DLGAP1: variants seen among roughly 807,000 people sequenced by gnomAD.
DLGAP1 encodes the protein disks large-associated protein 1.
Under a neutral mutation model 90.8 loss-of-function variants are expected in DLGAP1, and 11 were observed. The observed-to-expected ratio is 0.12, with a 90% CI of 0.08 to 0.20. The LOEUF is 0.20. Ranked by LOEUF, DLGAP1 falls within the 10% of genes least tolerant of loss-of-function variation. The pLI, the probability that DLGAP1 is intolerant of heterozygous loss-of-function variation, is 1.00. For synonymous variants in DLGAP1, 558 were observed against 540.7 expected, an observed-to-expected ratio of 1.03 and a Z score of -0.44; for missense variants, 1,050 against 1,333.8, an observed-to-expected ratio of 0.79 and a Z score of 3.31.
chr18:4,266,050 T>G (rs975945778), intron 1 of DLGAP1, among the ~76,000 whole-genome samples: 1 of 152,128 alleles, frequency 6.6e-6, no homozygotes, highest in Non-Finnish European at 1.5e-5. Context: ...TTTGCTCTTA[T>G]AGTGTGTTTA....
At chr18:3,923,688 T>C (rs1599165287) in intron 3 of DLGAP1, among the ~76,000 whole-genome samples, 1 of 152,366 alleles carries the variant, frequency 6.6e-6, no homozygotes, top group East Asian at 1.9e-4. Flanking sequence ...CCTTAATCTT[T>C]GGTGATACCA....
intron 5 of DLGAP1, among the ~76,000 whole-genome samples, chr18:3,777,584 C>T (rs2064995536): frequency 6.6e-6 from 1 of 152,000 alleles, no homozygotes; most frequent in Admixed American, 6.6e-5. Context: ...CAGTTCTAAG[C>T]CTTTTTATTT....
chr18:3,725,649 T>A (rs1286631336), intron 7 of DLGAP1, among the ~76,000 whole-genome samples: 2 of 152,176 alleles, frequency 1.3e-5, no homozygotes, highest in Admixed American at 6.5e-5. Context: ...ACTTGTTGAG[T>A]CTATTGGATG....
At chr18:3,610,504 T>C (rs1226822859) in intron 7 of DLGAP1, among the ~76,000 whole-genome samples, 1 of 152,148 alleles carries the variant, frequency 6.6e-6, no homozygotes, top group African/African-American at 2.4e-5. Context: ...TGCCATGCTC[T>C]GAGTCCCTAC....
intron 7 of DLGAP1, among the ~76,000 whole-genome samples, chr18:3,585,965 A>G (rs567774033): frequency 1.3e-5 from 2 of 152,298 alleles, no homozygotes; most frequent in South Asian, 4.2e-4. Context: ...CTGAGCCTCC[A>G]GTGCGGCTCC....
At chr18:3,905,752 T>C (rs1398858337) in intron 3 of DLGAP1, among the ~76,000 whole-genome samples, 1 of 152,216 alleles carries the variant, frequency 6.6e-6, no homozygotes, top group Non-Finnish European at 1.5e-5. Flanking sequence ...AAGTGTGTTA[T>C]GTGGATCTCT....
chr18:4,203,376 A>G (rs905774160), intron 1 of DLGAP1, among the ~76,000 whole-genome samples: 1 of 152,050 alleles, frequency 6.6e-6, no homozygotes, highest in Non-Finnish European at 1.5e-5. Flanking sequence ...TTCATTAAAT[A>G]TTTTCTAAGG....
chr18:3,631,869 G>A (rs936940058), intron 7 of DLGAP1, among the ~76,000 whole-genome samples: 1 of 151,954 alleles, frequency 6.6e-6, no homozygotes, highest in African/African-American at 2.4e-5. Context: ...TTGCAACCTC[G>A]ACCTCCCAGG....
intron 1 of DLGAP1, among the ~76,000 whole-genome samples, chr18:4,443,229 T>A (rs1187166043): frequency 1.3e-5 from 2 of 152,154 alleles, no homozygotes; most frequent in Non-Finnish European, 1.5e-5. Context: ...TTTGTTCCAG[T>A]AGTCAAATAA....
intron 5 of DLGAP1, among the ~76,000 whole-genome samples, chr18:3,813,348 C>T: frequency 6.6e-6 from 1 of 152,126 alleles, no homozygotes; most frequent in East Asian, 1.9e-4. Flanking sequence ...GAGCAATAGG[C>T]CACTCCATAT....
chr18:4,434,596 C>A (rs1198782696), intron 1 of DLGAP1, among the ~76,000 whole-genome samples: 1 of 152,168 alleles, frequency 6.6e-6, no homozygotes, highest in Non-Finnish European at 1.5e-5. Flanking sequence ...ACTCTCAACT[C>A]CTCTGGAGGA....
At chr18:3,921,890 G>A (rs1468593243) in intron 3 of DLGAP1, among the ~76,000 whole-genome samples, 1 of 152,094 alleles carries the variant, frequency 6.6e-6, no homozygotes. Flanking sequence ...AGCAGGAGAC[G>A]ACCAGCACAC....
chr18:3,794,299 T>A (rs1467760597), intron 5 of DLGAP1, among the ~76,000 whole-genome samples: 1 of 152,208 alleles, frequency 6.6e-6, no homozygotes, highest in African/African-American at 2.4e-5. Flanking sequence ...AGGAAACTTG[T>A]TAGCTAGGAC....
rs1384291410 is a variant in DLGAP1 at position 3,711,717 on chromosome 18, T to C, written c.1591+17418A>G. Among the ~76,000 whole-genome samples, 1 of 152,146 alleles carries C rather than the reference T, an allele frequency of 6.6e-6. No individual in the cohort carries two copies. The highest frequency in any genetic ancestry group is 1.5e-5 in the Non-Finnish European group (1 of 68,012). On this transcript the variant is annotated intron_variant, in intron 7 of 12. Coordinates refer to ENST00000315677, the MANE Select transcript of DLGAP1 (RefSeq NM_004746.4). This position sits in a 1 kb window ranked among gnomAD's most constrained non-coding sequence, Gnocchi z 4.0. ...TTAGCTGGCTCAGTGGCACCACCTG[T>C]GGTCCCAGCTACTTGGGAGGCTCAG... is the stretch of plus-strand genomic sequence containing the variant.
intron 3 of DLGAP1, among the ~76,000 whole-genome samples, chr18:3,905,366 CAAAAAAAAAAAAAA>C (rs71160924): frequency 4.0e-4 from 8 of 19,820 alleles, no homozygotes; most frequent in African/African-American, 5.0e-4. Flanking sequence ...GACTCCATCT[CAAAAAAAAAAAAAA>C]AAAAAAAAAA....
At chr18:4,011,175 CAAAAAAAAAA>C (rs35493947) in intron 2 of DLGAP1, among the ~76,000 whole-genome samples, 46 of 97,198 alleles carry the variant, frequency 4.7e-4, no homozygotes, top group Middle Eastern at 0.012. Flanking sequence ...GATTCCGCCT[CAAAAAAAAAA>C]AAAAAAAAAA....
At chr18:3,892,872 T>TTA (rs965325336) in intron 3 of DLGAP1, among the ~76,000 whole-genome samples, 1 of 148,718 alleles carries the variant, frequency 6.7e-6, no homozygotes, top group African/African-American at 2.5e-5. Context: ...CTCTGGCTTT[T>TTA]TATATATATA....
At chr18:3,672,353 G>C (rs1257737594) in intron 7 of DLGAP1, among the ~76,000 whole-genome samples, 1 of 151,702 alleles carries the variant, frequency 6.6e-6, no homozygotes, top group African/African-American at 2.4e-5. Context: ...TGAGGAGGGC[G>C]GATCACCTGA....
chr18:4,384,862 T>C (rs551540923), intron 1 of DLGAP1, among the ~76,000 whole-genome samples: 1 of 152,292 alleles, frequency 6.6e-6, no homozygotes, highest in East Asian at 1.9e-4. Context: ...TAACTGATAT[T>C]AGAAATTAGA....
Sources: allele counts gnomAD v4.1 joint callset (sites outside exome capture counted in the v4.1 genomes callset), GRCh38; gene constraint gnomAD v4.1.1; non-coding constraint Gnocchi (gnomAD v3.1); transcripts MANE v1.5; gene names NCBI Gene and HGNC (gene_info 2026-07-23, HGNC 2026-07-21).